The following TMEM131 variants were observed in gnomAD, a reference collection of about 807,000 sequenced individuals.
TMEM131 encodes transmembrane protein 131.
Under a neutral mutation model 211.6 loss-of-function variants are expected in TMEM131, and 66 were observed. That is an observed-to-expected ratio of 0.31 (90% CI 0.26 to 0.38). The LOEUF is 0.38. Ranked by LOEUF, TMEM131 falls within the 10% of genes least tolerant of loss-of-function variation. The probability of loss-of-function intolerance (pLI) is 1.00; values close to 1 mark genes in which losing one functional copy is unlikely to be tolerated. For synonymous variants in TMEM131, 844 were observed against 841.3 expected (o/e 1.00, Z -0.06); for missense variants, 2,036 against 2,299.3 (o/e 0.89, Z 2.34).
At chr2:97,770,127 C>T (rs1679394294) in intron 33 of TMEM131, among the ~76,000 whole-genome samples, 1 of 152,184 alleles carries the variant, frequency 6.6e-6, no homozygotes. Context: ...TCAGGAATCA[C>T]TAAAGCTAGT....
At position 97,772,500 on chromosome 2, in the gene TMEM131, C is replaced by T. The variant is rs113492702; in HGVS notation, c.4321-76G>A. 8 of 1,478,716 alleles carry T rather than the reference C, an allele frequency of 5.4e-6. No individual in the cohort carries two copies. The African/African-American group carries it at 5.7e-5, about 10-fold the overall frequency. 91.6% of individuals were successfully genotyped at this position (1,478,716 alleles called of 1,614,324 possible). A position where few individuals can be genotyped will look rare whatever the true frequency, so the allele number is the denominator to read the frequency against. On this transcript the variant is annotated intron_variant, in intron 32 of 40. Transcript: ENST00000186436. ...AATTAGTTCCATTTTAAGATACAGA[C>T]ACAAAATCAAAGATGTAAAAATATA...
intron 31 of TMEM131, among the ~76,000 whole-genome samples, chr2:97,781,448 G>C (rs1277954682): frequency 6.6e-6 from 1 of 152,198 alleles, no homozygotes; most frequent in African/African-American, 2.4e-5. Context: ...TATGACCAAT[G>C]AGTTTGGTTT....
chr2:97,814,201 G>C (rs920349244), intron 14 of TMEM131, 34 bp downstream of exon 14: 1 of 1,610,384 alleles, frequency 6.2e-7, no homozygotes, highest in Non-Finnish European at 8.5e-7. Context: ...TGGTAGACCA[G>C]GAAAATTAAA....
At chr2:97,810,749 C>T (rs1306461731) in intron 18 of TMEM131, among the ~76,000 whole-genome samples, 1 of 152,130 alleles carries the variant, frequency 6.6e-6, no homozygotes, top group African/African-American at 2.4e-5. Context: ...ATTTTATCTT[C>T]CTTTTCAGAA....
chr2:97,930,042 T>G (rs954976603), intron 1 of TMEM131, among the ~76,000 whole-genome samples: 5 of 151,816 alleles, frequency 3.3e-5, no homozygotes, highest in Non-Finnish European at 7.4e-5. Context: ...CCCCCACTTT[T>G]TAACACAAAC....
intron 3 of TMEM131, among the ~76,000 whole-genome samples, chr2:97,904,396 A>G (rs1675983785): frequency 2.0e-5 from 3 of 152,216 alleles, no homozygotes; most frequent in African/African-American, 7.2e-5. Flanking sequence ...AGAGTTAAAA[A>G]AGAGAGATTA....
chr2:97,942,543 A>G (rs1213078699), intron 1 of TMEM131, among the ~76,000 whole-genome samples: 1 of 152,132 alleles, frequency 6.6e-6, no homozygotes, highest in Non-Finnish European at 1.5e-5. Context: ...CTACAAAAAG[A>G]AATGAACTTT....
intron 1 of TMEM131, among the ~76,000 whole-genome samples, chr2:97,974,738 G>C (rs536220924): frequency 1.3e-5 from 2 of 151,570 alleles, no homozygotes; most frequent in African/African-American, 4.8e-5. Flanking sequence ...ATGTCGACCT[G>C]TAATTCTATA....
chr2:97,827,092 T>A (rs60234913), intron 11 of TMEM131, among the ~76,000 whole-genome samples: 6,373 of 139,224 alleles, frequency 0.046, 298 homozygotes, highest in African/African-American at 0.12. Context: ...AAAAAAAAAA[T>A]TTTAAAATCC....
intron 3 of TMEM131, among the ~76,000 whole-genome samples, chr2:97,895,515 G>C (rs965264478): frequency 2.6e-5 from 4 of 152,076 alleles, no homozygotes; most frequent in African/African-American, 4.8e-5. Context: ...TTTTTGGTTG[G>C]TAGGCTATTA....
intron 1 of TMEM131, among the ~76,000 whole-genome samples, chr2:97,946,901 G>C (rs1487452768): frequency 6.6e-6 from 1 of 151,668 alleles, no homozygotes; most frequent in Non-Finnish European, 1.5e-5. Context: ...ATTTATCCCA[G>C]GAATGAAATA....
intron 4 of TMEM131, among the ~76,000 whole-genome samples, chr2:97,877,572 G>A (rs1455105783): frequency 6.6e-6 from 1 of 152,032 alleles, no homozygotes; most frequent in East Asian, 1.9e-4. Flanking sequence ...ACCATCTGAT[G>A]TTTGACAAAC....
At chr2:97,842,073 A>C (rs1266819155) in intron 6 of TMEM131, 136 bp from the exon 7 acceptor site, 16 of 848,978 alleles carry the variant, frequency 1.9e-5, no homozygotes, top group South Asian at 3.9e-5. Flanking sequence ...TTTAAAAAAA[A>C]CCCCCACAAA....
intron 5 of TMEM131, among the ~76,000 whole-genome samples, chr2:97,856,191 T>C (rs1262964097): frequency 1.3e-5 from 2 of 152,156 alleles, no homozygotes; most frequent in Non-Finnish European, 1.5e-5. Context: ...GCAAAACATA[T>C]ATTGCATATT....
intron 12 of TMEM131, among the ~76,000 whole-genome samples, chr2:97,818,105 T>C (rs1681920918): frequency 6.6e-6 from 1 of 152,214 alleles, no homozygotes; most frequent in Non-Finnish European, 1.5e-5. Flanking sequence ...AAATGTATAC[T>C]ATACACATTA....
chr2:97,818,359 T>C (rs1681933677), intron 12 of TMEM131, among the ~76,000 whole-genome samples: 1 of 151,758 alleles, frequency 6.6e-6, no homozygotes, highest in Non-Finnish European at 1.5e-5. Context: ...CCAATCCTAA[T>C]GTATTTGCTA....
intron 5 of TMEM131, among the ~76,000 whole-genome samples, chr2:97,854,645 A>C (rs537035579): frequency 6.6e-6 from 1 of 152,306 alleles, no homozygotes; most frequent in South Asian, 2.1e-4. Flanking sequence ...ATTCAGGAAA[A>C]AGAGTCAAGT....
rs142125809 is a variant in TMEM131, at chr2:97,891,477, G to C, written c.291-3357C>G. 2.6e-3 allele frequency among the ~76,000 whole-genome samples: 391 copies of C among 150,202 alleles called. 2 individuals carry two copies. Among genetic ancestry groups the C allele is most frequent in the Non-Finnish European group, 3.2e-3 (216 of 67,414 alleles). On this transcript the variant is annotated intron_variant, in intron 3 of 40. Transcript: ENST00000186436. ...TTTCTGCAATGATTACACATGTTCT[G>C]AAGTGTCAATACAATTGGTTTTATA...
At chr2:97,811,813 C>A (rs959898112) in intron 17 of TMEM131, among the ~76,000 whole-genome samples, 2 of 152,196 alleles carry the variant, frequency 1.3e-5, no homozygotes, top group African/African-American at 4.8e-5. Context: ...TCTGATGCTC[C>A]TTCTCACAGA....
Sources: allele counts gnomAD v4.1 joint callset (sites outside exome capture counted in the v4.1 genomes callset), GRCh38; gene constraint gnomAD v4.1.1; transcripts MANE v1.5; gene names NCBI Gene and HGNC (gene_info 2026-07-23, HGNC 2026-07-21).